The following STK24 variants were observed in gnomAD, a reference collection of about 807,000 sequenced individuals.
The protein encoded by STK24 is serine/threonine kinase 24, also known as serine/threonine-protein kinase 24.
A neutral mutation model predicts 55.6 loss-of-function variants in STK24; 21 were observed. That is an observed-to-expected ratio of 0.38 (90% CI 0.27 to 0.54). The LOEUF (loss-of-function observed/expected upper bound fraction) is 0.54. Among genes scored for constraint, STK24 ranks in the 20% least tolerant of loss-of-function variants. The probability of loss-of-function intolerance (pLI) is 0.79; values close to 1 mark genes in which losing one functional copy is unlikely to be tolerated. For missense variants in STK24, 383 were observed against 538.4 expected, an observed-to-expected ratio of 0.71 and a Z score of 2.86; for synonymous variants, 200 against 215.2, an observed-to-expected ratio of 0.93 and a Z score of 0.62.
chr13:98,465,024 G>A (rs1397125890), intron 6 of STK24, among the ~76,000 whole-genome samples: 6 of 152,100 alleles, frequency 3.9e-5, no homozygotes, highest in African/African-American at 1.4e-4. Context: ...CTTCACCCAT[G>A]CCCTGGGCTC....
At position 98,446,520 on chromosome 13, in the gene STK24, C is replaced by G; in HGVS notation, c.*6653G>C. The G allele has an allele frequency of 1.3e-6, 1 of 798,060 alleles. No homozygotes were observed. Among genetic ancestry groups the G allele is most frequent in the Admixed American group, 2.4e-5 (1 of 41,832 alleles). 49.4% of individuals were successfully genotyped at this position (798,060 alleles called of 1,614,324 possible). On this transcript the variant is annotated 3_prime_UTR_variant, in exon 11 of 11. Coordinates refer to ENST00000539966, the MANE Select transcript of STK24 (RefSeq NM_001032296.4). ...ACCCGGGCCATCACGTACAGGCAAA[C>G]ACTGGCTGCCATGGTCCCTTCCAGG...
intron 2 of STK24, among the ~76,000 whole-genome samples, chr13:98,491,324 AG>A (rs1446456449): frequency 6.6e-6 from 1 of 152,228 alleles, no homozygotes; most frequent in Non-Finnish European, 1.5e-5. Flanking sequence ...GATTAGGAAA[AG>A]GAGCGGGGAG....
At chr13:98,565,914 A>G (rs1897555392) in intron 1 of STK24, among the ~76,000 whole-genome samples, 1 of 152,254 alleles carries the variant, frequency 6.6e-6, no homozygotes, top group South Asian at 2.1e-4. Flanking sequence ...TTTCCCGATC[A>G]GGAGGAGTGC....
Position 98,576,157 on chromosome 13 carries a change from TG to T in STK24, c.42+587del, listed in dbSNP as rs1174134925. On this transcript the variant is annotated intron_variant, in intron 1 of 10. Transcript: ENST00000539966. ...CTCGCACTTTCCCCCGGTCCGCAGGTGCACGGGGGCTCCGGGCAAAGCCACT... is the reference window on the plus strand; with the variant it reads ...CTCGCACTTTCCCCCGGTCCGCAGGTCACGGGGGCTCCGGGCAAAGCCACT... 5.1e-6 allele frequency: 5 copies of T among 985,076 alleles called. No homozygotes were observed. In the South Asian group the frequency reaches 1.4e-4, roughly 28 times the overall value. The allele number at this position is 985,076 out of a possible 1,614,324, so 61.0% of individuals were successfully genotyped here.
chr13:98,568,377 G>A (rs1295447870), intron 1 of STK24, among the ~76,000 whole-genome samples: 1 of 152,186 alleles, frequency 6.6e-6, no homozygotes, highest in Non-Finnish European at 1.5e-5. Context: ...CCGGGGGAAT[G>A]AGTGAACCAG....
chr13:98,510,658 G>A (rs929838619), intron 2 of STK24, among the ~76,000 whole-genome samples: 6 of 152,190 alleles, frequency 3.9e-5, no homozygotes, highest in Non-Finnish European at 7.3e-5. Flanking sequence ...AAACAAACCA[G>A]ACACAACAGG....
At chr13:98,529,536 T>C (rs1896524239) in intron 1 of STK24, among the ~76,000 whole-genome samples, 1 of 152,192 alleles carries the variant, frequency 6.6e-6, no homozygotes, top group African/African-American at 2.4e-5. Context: ...ATCCCCTCAC[T>C]TACCCTCTTG....
At position 98,559,848 on chromosome 13, in the gene STK24, G is replaced by GA. The variant is rs549972044; in HGVS notation, c.42+16896dup. Among the ~76,000 whole-genome samples the GA allele has an allele frequency of 5.8e-3, 809 of 140,114 alleles. 37 individuals carry two copies. In the South Asian group the frequency reaches 0.11, roughly 19 times the overall value. 91.9% of individuals were successfully genotyped at this position (140,114 alleles called of 152,430 possible). ...TTCTCATATCTCATATCACTGAAAG[G>GA]AAAAAAAAAAAAGCCAGGCACTGTG... On this transcript the variant is annotated intron_variant, in intron 1 of 10. Transcript: ENST00000539966.
At chr13:98,534,646 G>C (rs113757731) in intron 1 of STK24, among the ~76,000 whole-genome samples, 3 of 152,256 alleles carry the variant, frequency 2.0e-5, no homozygotes, top group African/African-American at 7.2e-5. Context: ...ATATTTTGCA[G>C]ACCCAGTGTT....
At chr13:98,559,837 A>G (rs2139449010) in intron 1 of STK24, among the ~76,000 whole-genome samples, 1 of 151,866 alleles carries the variant, frequency 6.6e-6, no homozygotes, top group African/African-American at 2.4e-5. Flanking sequence ...CATATCTCAT[A>G]TCACTGAAAG....
At chr13:98,564,526 C>G (rs1395483326) in intron 1 of STK24, among the ~76,000 whole-genome samples, 1 of 152,190 alleles carries the variant, frequency 6.6e-6, no homozygotes, top group Non-Finnish European at 1.5e-5. Flanking sequence ...GGCAGAGGAG[C>G]TGAAGAGCAG....
intron 5 of STK24, among the ~76,000 whole-genome samples, chr13:98,467,063 C>CA (rs1424378115): frequency 6.6e-6 from 1 of 152,148 alleles, no homozygotes; most frequent in East Asian, 1.9e-4. Flanking sequence ...CTGTTTCTCT[C>CA]ATCTGTAGAA....
intron 1 of STK24, among the ~76,000 whole-genome samples, chr13:98,537,774 G>A (rs1456440955): frequency 6.6e-6 from 1 of 152,176 alleles, no homozygotes; most frequent in Non-Finnish European, 1.5e-5. Flanking sequence ...CAGGCTGCCT[G>A]AATCGAATCC....
intron 1 of STK24, among the ~76,000 whole-genome samples, chr13:98,523,543 A>G (rs528470052): frequency 3.3e-5 from 5 of 151,466 alleles, no homozygotes; most frequent in Non-Finnish European, 7.3e-5. Flanking sequence ...GGACTTGCAG[A>G]GCTCCCTCCA....
intron 1 of STK24, among the ~76,000 whole-genome samples, chr13:98,529,199 C>T (rs984216949): frequency 1.3e-5 from 2 of 152,242 alleles, no homozygotes; most frequent in Admixed American, 6.5e-5. Flanking sequence ...CGTGTTTCAT[C>T]GTTAACAGTG....
At chr13:98,469,454 C>T (rs1322901290) in intron 5 of STK24, among the ~76,000 whole-genome samples, 1 of 151,756 alleles carries the variant, frequency 6.6e-6, no homozygotes, top group African/African-American at 2.4e-5. Context: ...GAGGCTGAGG[C>T]AGGAGAATCA....
intron 2 of STK24, among the ~76,000 whole-genome samples, chr13:98,496,558 G>A (rs973486280): frequency 2.0e-5 from 3 of 152,152 alleles, no homozygotes; most frequent in Admixed American, 6.5e-5. Flanking sequence ...GCTCCTCTGG[G>A]TGTGTCCCCA....
chr13:98,532,569 G>A (rs888838413), intron 1 of STK24, among the ~76,000 whole-genome samples: 15 of 152,106 alleles, frequency 9.9e-5, no homozygotes, highest in East Asian at 3.9e-4. Context: ...CCCAAAGGGT[G>A]CTTCGTGTAC....
chr13:98,458,727 C>G (rs1215106493), intron 9 of STK24, among the ~76,000 whole-genome samples: 1 of 152,168 alleles, frequency 6.6e-6, no homozygotes, highest in Non-Finnish European at 1.5e-5. Flanking sequence ...GAGGGCCTGT[C>G]CCCTTGCCGT....
Sources: allele counts gnomAD v4.1 joint callset (sites outside exome capture counted in the v4.1 genomes callset), GRCh38; gene constraint gnomAD v4.1.1; transcripts MANE v1.5; gene names NCBI Gene and HGNC (gene_info 2026-07-23, HGNC 2026-07-21).